ARHGAP20: variants seen among roughly 807,000 people sequenced by gnomAD.
ARHGAP20 encodes Rho GTPase activating protein 20, also known as rho GTPase-activating protein 20.
A neutral mutation model predicts 73.7 loss-of-function variants in ARHGAP20; 34 were observed. The observed-to-expected ratio is 0.46, with a 90% CI of 0.35 to 0.61. ARHGAP20 has a LOEUF of 0.61. Among genes scored for constraint, ARHGAP20 ranks in the 20% least tolerant of loss-of-function variants. ARHGAP20 has a pLI of 0.00. For synonymous variants in ARHGAP20, 523 were observed against 518.2 expected (o/e 1.01, Z -0.13); for missense variants, 1,314 against 1,420.9 (o/e 0.92, Z 1.21).
chr11:110,663,141 TAAAAAC>T (rs1220671522), intron 2 of ARHGAP20, among the ~76,000 whole-genome samples: 4 of 151,418 alleles, frequency 2.6e-5, no homozygotes, highest in African/African-American at 9.7e-5. Flanking sequence ...TTAAGAAACT[TAAAAAC>T]AAAAGCAAAT....
intron 4 of ARHGAP20, among the ~76,000 whole-genome samples, chr11:110,617,202 G>A (rs1354646225): frequency 6.6e-6 from 1 of 151,594 alleles, no homozygotes; most frequent in Non-Finnish European, 1.5e-5. Flanking sequence ...ATGTTTAAAA[G>A]ATTTAATTAT....
chr11:110,581,362 A>AG, intron 14 of ARHGAP20, 137 bp from the exon 15 acceptor site: 1 of 1,007,110 alleles, frequency 9.9e-7, no homozygotes, highest in Non-Finnish European at 1.4e-6. Flanking sequence ...TCACAATCTC[A>AG]ATTGTTAGTG....
chr11:110,659,864 T>C (rs933333690), intron 2 of ARHGAP20, among the ~76,000 whole-genome samples: 1 of 141,218 alleles, frequency 7.1e-6, no homozygotes. Context: ...TGAGATCACA[T>C]GGACACAGGA....
Position 110,591,992 on chromosome 11 carries a change from C to A in ARHGAP20, c.1128G>T (p.Leu376=), listed in dbSNP as rs765140775. The A allele has an allele frequency of 2.5e-6, 4 of 1,614,044 alleles. No homozygotes were observed. The highest frequency in any genetic ancestry group is 3.3e-4 in the Middle Eastern group (2 of 6,062). ...SLPNICENDN[L]PKPVLDMLFF... ...TGAGCCTTACCAAGACAGGTTTGGG[C>A]AGATTGTCATTCTCACAAATATTTG... Residue 376 remains leucine, a synonymous_variant, in exon 10 of 15, where the codon CTG becomes CTT. Coordinates refer to ENST00000683387, the MANE Select transcript of ARHGAP20 (RefSeq NM_001384657.1).
At chr11:110,648,254 AAT>A (rs562850481) in intron 2 of ARHGAP20, among the ~76,000 whole-genome samples, 8 of 81,910 alleles carry the variant, frequency 9.8e-5, no homozygotes, top group South Asian at 9.7e-4. Context: ...TATATATGTA[AAT>A]ATATATATGT....
intron 2 of ARHGAP20, among the ~76,000 whole-genome samples, chr11:110,680,780 CACAA>C (rs1331660682): frequency 6.6e-6 from 1 of 152,052 alleles, no homozygotes; most frequent in African/African-American, 2.4e-5. Flanking sequence ...CACACTGCAC[CACAA>C]ACAGATGTAT....
intron 1 of ARHGAP20, among the ~76,000 whole-genome samples, chr11:110,709,956 C>T (rs372851640): frequency 2.3e-4 from 35 of 152,262 alleles, no homozygotes; most frequent in African/African-American, 6.7e-4. Context: ...TGAGAGATGG[C>T]GGCTTGGCTT....
At chr11:110,659,554 C>T (rs1273571321) in intron 2 of ARHGAP20, among the ~76,000 whole-genome samples, 1 of 151,684 alleles carries the variant, frequency 6.6e-6, no homozygotes, top group African/African-American at 2.4e-5. Flanking sequence ...TGCAGAAGCT[C>T]TTTAGTTTAA....
chr11:110,710,634 A>G lies in ARHGAP20; in HGVS notation c.105+1493T>C, dbSNP rs1490864684. Among the ~76,000 whole-genome samples the G allele has an allele frequency of 2.6e-5, 4 of 152,196 alleles. No individual in the cohort carries two copies. In the South Asian group the frequency reaches 8.3e-4, roughly 32 times the overall value. On this transcript the variant is annotated intron_variant, in intron 1 of 14. Coordinates refer to ENST00000683387, the MANE Select transcript of ARHGAP20 (RefSeq NM_001384657.1). ...ACACTCCCTCCATCTCCGAAGGGGA[A>G]AAGCGACAAGGACAAACCGCAGCCT...
intron 1 of ARHGAP20, among the ~76,000 whole-genome samples, chr11:110,700,213 T>G (rs1232216128): frequency 1.3e-5 from 2 of 152,006 alleles, no homozygotes; most frequent in Non-Finnish European, 2.9e-5. Flanking sequence ...CATGCTTTGT[T>G]TTGTTCCAGT....
chr11:110,679,422 CATG>C (rs1949994695), intron 2 of ARHGAP20, among the ~76,000 whole-genome samples: 1 of 152,130 alleles, frequency 6.6e-6, no homozygotes, highest in South Asian at 2.1e-4. Flanking sequence ...ACCAAAACGA[CATG>C]ATAACAAGTA....
chr11:110,657,143 T>C (rs1949484520), intron 2 of ARHGAP20, among the ~76,000 whole-genome samples: 1 of 152,232 alleles, frequency 6.6e-6, no homozygotes, highest in Non-Finnish European at 1.5e-5. Context: ...CTTGAGGATT[T>C]ATTTTATTAA....
Position 110,579,406 on chromosome 11 carries a change from G to A in ARHGAP20, c.3540C>T (p.Cys1180=), listed in dbSNP as rs754482332. 1.4e-5 allele frequency: 22 copies of A among 1,605,144 alleles called. No individual in the cohort carries two copies. Among genetic ancestry groups the A allele is most frequent in the South Asian group, 1.2e-4 (11 of 90,826 alleles). ...TSPDSGPTVV[C]DIEDRYLTKD... is the part of the protein sequence containing the mutation. The stretch of plus-strand genomic sequence containing the variant: ...TGGTTAAATACCTGTCCTCAATGTC[G>A]CAGACCACTGTAGGCCCTGAGTCTG... Residue 1180 remains cysteine (C), a synonymous_variant, in exon 15 of 15, where the codon TGC becomes TGT. Transcript: ENST00000683387.
chr11:110,609,161 T>G, intron 7 of ARHGAP20, 111 bp from the exon 8 acceptor site: 1 of 862,806 alleles, frequency 1.2e-6, no homozygotes, highest in Non-Finnish European at 1.9e-6. Context: ...CCCTACCCAG[T>G]GATAGTTAGA....
At position 110,580,489 on chromosome 11, in the gene ARHGAP20, G is replaced by C; in HGVS notation, c.2457C>G (p.Pro819=). 1.9e-6 allele frequency: 3 copies of C among 1,614,002 alleles called. No homozygotes were observed. Among genetic ancestry groups the C allele is most frequent in the Non-Finnish European group, 2.5e-6 (3 of 1,179,988 alleles). Residue 819 remains proline, a synonymous_variant, in exon 15 of 15, where the codon CCC becomes CCG. Coordinates refer to ENST00000683387, the MANE Select transcript of ARHGAP20 (RefSeq NM_001384657.1). ...AGTATCCAGATGTATTCACATCAAA[G>C]GGCTGGTTCTTGGAATGATCCTGTG... is the stretch of plus-strand genomic sequence containing the variant. ...MSSQDHSKNQ[P]FDVNTSGYSP...
intron 4 of ARHGAP20, among the ~76,000 whole-genome samples, chr11:110,617,130 G>A (rs1948501496): frequency 1.3e-5 from 2 of 152,100 alleles, no homozygotes; most frequent in East Asian, 3.8e-4. Context: ...GCATGTTTGA[G>A]TACTTTATAT....
chr11:110,642,890 C>T (rs1325295027), intron 2 of ARHGAP20, among the ~76,000 whole-genome samples: 5 of 151,998 alleles, frequency 3.3e-5, no homozygotes, highest in African/African-American at 9.7e-5. Flanking sequence ...TGGTAGAATT[C>T]GGCTGTGAAT....
chr11:110,595,826 A>G (rs1167699690), intron 9 of ARHGAP20, among the ~76,000 whole-genome samples: 14 of 152,096 alleles, frequency 9.2e-5, no homozygotes, highest in Admixed American at 2.6e-4. Flanking sequence ...AAAAGAGCCC[A>G]CATTGCCAAG....
intron 14 of ARHGAP20, among the ~76,000 whole-genome samples, 175 bp from the exon 15 acceptor site, chr11:110,581,400 T>C (rs1200494958): frequency 6.6e-6 from 1 of 152,210 alleles, no homozygotes; most frequent in Non-Finnish European, 1.5e-5. Context: ...TGCTGGGGTA[T>C]AGGAGATTTA....
Sources: allele counts gnomAD v4.1 joint callset (sites outside exome capture counted in the v4.1 genomes callset), GRCh38; gene constraint gnomAD v4.1.1; transcripts MANE v1.5; gene names NCBI Gene and HGNC (gene_info 2026-07-23, HGNC 2026-07-21).